Variants in OGFOD1 observed in about 807,000 individuals in gnomAD.
OGFOD1 encodes prolyl 3-hydroxylase OGFOD1.
OGFOD1 carries 54 observed loss-of-function variants against 67.7 expected under a neutral mutation model. The ratio of observed to expected loss-of-function variants is 0.80; its 90% CI spans 0.64 to 1.00. The LOEUF (loss-of-function observed/expected upper bound fraction) is 1.00, where lower values mean the gene tolerates loss of function less well. Ranked by LOEUF, OGFOD1 falls within the 50% of genes least tolerant of loss-of-function variation. The pLI, the probability that OGFOD1 is intolerant of heterozygous loss-of-function variation, is 0.00. For synonymous variants in OGFOD1, 221 were observed against 227.0 expected (o/e 0.97, Z 0.24); for missense variants, 606 against 646.7 (o/e 0.94, Z 0.68).
Position 56,470,773 on chromosome 16 carries a change from GA to G in OGFOD1, c.1271del (p.Asn424MetfsTer16). 6.3e-7 allele frequency: 1 copy of G among 1,595,784 alleles called. No homozygotes were observed. Among genetic ancestry groups the G allele is most frequent in the Non-Finnish European group, 8.5e-7 (1 of 1,172,160 alleles). ...TGAGCAGACAGACCCAGAGCCAGAG[GA>G]AAATGAAACAAAGAAAGGTAAGCTG... ...SNEQTDPEPE[E>X]NETKKESSVP... On this transcript the variant is annotated frameshift_variant, in exon 10 of 13. Transcript: ENST00000566157. LOFTEE classifies it high-confidence loss of function.
chr16:56,466,089 CAG>C, intron 4 of OGFOD1, 61 bp from the exon 5 acceptor site: 2 of 1,130,532 alleles, frequency 1.8e-6, no homozygotes, highest in Admixed American at 1.7e-5. Flanking sequence ...ATATTAAATG[CAG>C]AGTCAGGTGT....
intron 4 of OGFOD1, among the ~76,000 whole-genome samples, chr16:56,463,390 T>G (rs1454737654): frequency 3.5e-5 from 4 of 113,826 alleles, no homozygotes; most frequent in African/African-American, 1.3e-4. Flanking sequence ...TTGGGTTTTT[T>G]TTTTTTTTTT....
intron 7 of OGFOD1, 109 bp downstream of exon 7, chr16:56,467,402 C>T: frequency 8.0e-7 from 1 of 1,243,918 alleles, no homozygotes; most frequent in Non-Finnish European, 1.1e-6. Context: ...TGAGCTTGCC[C>T]CTTTCCACTT....
Position 56,451,773 on chromosome 16 carries a change from G to C in OGFOD1, c.154+7G>C, listed in dbSNP as rs751265445. The C allele has an allele frequency of 6.2e-7, 1 of 1,611,938 alleles. No individual in the cohort carries two copies. Among genetic ancestry groups the C allele is most frequent in the East Asian group, 2.2e-5 (1 of 44,878 alleles). On this transcript the variant is annotated splice_region_variant and intron_variant, in intron 1 of 12. Transcript: ENST00000566157. ...AGGACGCCGTTCAGTCACGGTAACC[G>C]GGTGCTCTCAGGGAGGGGCCGCCAC... is the stretch of plus-strand genomic sequence containing the variant.
In OGFOD1 at chr16:56,467,979, T is replaced by A; in HGVS notation, c.861T>A (p.Phe287Leu). The stretch of plus-strand genomic sequence containing the variant: ...ACCAAGTTCAAATTCAAGAAGAGTT[T>A]GAAGAAAGTTCTGAAATTCTCCTGA... ...MDYQVQIQEEFEESSEILLKE... is the reference protein window; with the variant it reads ...MDYQVQIQEELEESSEILLKE... The change falls in exon 8 of 13, where the codon TTT becomes TTA. Residue 287 changes from phenylalanine to leucine, a missense_variant. Coordinates refer to ENST00000566157, the MANE Select transcript of OGFOD1 (RefSeq NM_018233.4). 12 of 1,601,734 alleles carry A rather than the reference T, an allele frequency of 7.5e-6. No individual in the cohort carries two copies. The highest frequency in any genetic ancestry group is 1.0e-5 in the Non-Finnish European group (12 of 1,168,728).
chr16:56,453,645 G>A (rs1354494726), intron 2 of OGFOD1: 1 of 332,500 alleles, frequency 3.0e-6, no homozygotes, highest in Non-Finnish European at 5.6e-6. Flanking sequence ...TTAAAATCTA[G>A]TGTTCAAAGT....
chr16:56,471,108 T>C (rs1235437893), intron 10 of OGFOD1, among the ~76,000 whole-genome samples: 1 of 151,882 alleles, frequency 6.6e-6, no homozygotes, highest in African/African-American at 2.4e-5. Context: ...TCCCAGCACT[T>C]TTGGAGGCGG....
Position 56,466,198 on chromosome 16 carries a change from C to T in OGFOD1, c.495C>T (p.Ala165=). 6.2e-7 allele frequency: 1 copy of T among 1,614,142 alleles called. No individual in the cohort carries two copies. Among genetic ancestry groups the T allele is most frequent in the Non-Finnish European group, 8.5e-7 (1 of 1,179,996 alleles). The change falls in exon 5 of 13, where the codon GCC becomes GCT. Residue 165 remains alanine (A), a synonymous_variant. Coordinates refer to ENST00000566157, the MANE Select transcript of OGFOD1 (RefSeq NM_018233.4). ...ATGAGCTGGAAGGGCGCCGGATTGCCTTCATCCTGTACCTGGTTCCTCCCT... is the reference window on the plus strand; with the variant it reads ...ATGAGCTGGAAGGGCGCCGGATTGCTTTCATCCTGTACCTGGTTCCTCCCT... ...HDDELEGRRI[A]FILYLVPPWD...
At chr16:56,457,273 G>A (rs1962554158) in intron 2 of OGFOD1, among the ~76,000 whole-genome samples, 1 of 152,228 alleles carries the variant, frequency 6.6e-6, no homozygotes, top group Non-Finnish European at 1.5e-5. Context: ...CAACATGGAT[G>A]AACCTTGAAA....
intron 4 of OGFOD1, 97 bp from the exon 5 acceptor site, chr16:56,466,055 T>C: frequency 1.2e-6 from 1 of 805,016 alleles, no homozygotes; most frequent in Non-Finnish European, 2.1e-6. Context: ...GAGCTGACAT[T>C]ACAGTTGAAT....
Position 56,467,245 on chromosome 16 carries a change from C to T in OGFOD1, c.738C>T (p.Pro246=). The change falls in exon 7 of 13, where the codon CCC becomes CCT. Residue 246 remains proline, a synonymous_variant. Coordinates refer to ENST00000566157, the MANE Select transcript of OGFOD1 (RefSeq NM_018233.4). ...WFHGPSLTRP[P]NYFEPPIPRS... ...ATGGTCCATCATTGACTCGGCCTCC[C>T]AACTACTTTGAACCCCCCATACCTC... 1.9e-6 allele frequency: 3 copies of T among 1,614,100 alleles called. No homozygotes were observed. The South Asian group carries it at 3.3e-5, about 18-fold the overall frequency.
At position 56,476,222 on chromosome 16, in the gene OGFOD1, T is replaced by G; in HGVS notation, c.*17T>G. The G allele has an allele frequency of 6.3e-7, 1 of 1,599,400 alleles. No homozygotes were observed. Among genetic ancestry groups the G allele is most frequent in the African/African-American group, 1.4e-5 (1 of 73,868 alleles). On this transcript the variant is annotated 3_prime_UTR_variant, in exon 13 of 13. Transcript: ENST00000566157. ...TATGAATGACAGCACTGGGCAAAGC[T>G]GAACAAAAATGTGACCCTTCGTAAT...
chr16:56,463,428 G>A (rs548639822), intron 4 of OGFOD1, among the ~76,000 whole-genome samples: 3 of 87,696 alleles, frequency 3.4e-5, no homozygotes, highest in South Asian at 4.3e-4. Context: ...TTGTTGGTTC[G>A]TTGGTTCGTT....
intron 9 of OGFOD1, 93 bp from the exon 10 acceptor site, chr16:56,470,394 G>A: frequency 8.5e-7 from 1 of 1,177,318 alleles, no homozygotes; most frequent in East Asian, 2.3e-5. Context: ...CAAGATTTAG[G>A]AAGAGAGGTA....
chr16:56,451,959 G>A (rs4556786), intron 1 of OGFOD1, among the ~76,000 whole-genome samples, 193 bp downstream of exon 1: 29,132 of 152,164 alleles, frequency 0.19, 3,014 homozygotes, highest in Non-Finnish European at 0.24. Context: ...ATTTAGAAAC[G>A]TGAGAAGAGG....
chr16:56,451,850 G>A, intron 1 of OGFOD1, 84 bp downstream of exon 1: 1 of 1,481,524 alleles, frequency 6.7e-7, no homozygotes, highest in Non-Finnish European at 9.0e-7. Context: ...CCCAGCCTTG[G>A]GCAGCGGGGC....
chr16:56,458,518 C>T, intron 2 of OGFOD1, 30 bp from the exon 3 acceptor site: 1 of 1,601,688 alleles, frequency 6.2e-7, no homozygotes, highest in East Asian at 2.2e-5. Context: ...TGAAGGAAAT[C>T]CCTTTTTTTT....
At position 56,474,810 on chromosome 16, in the gene OGFOD1, C is replaced by CTTT; in HGVS notation, c.1286-9_1286-7dup. 4.1e-6 allele frequency: 5 copies of CTTT among 1,212,930 alleles called. No homozygotes were observed. Among genetic ancestry groups the CTTT allele is most frequent in the Non-Finnish European group, 5.7e-6 (5 of 884,472 alleles). The allele number at this position is 1,212,930 out of a possible 1,614,324, so 75.1% of individuals were successfully genotyped here. A position where few individuals can be genotyped will look rare whatever the true frequency, so the allele number is the denominator to read the frequency against. ...AAGGTTATTTTTTAAAGTTTCTCAT[C>CTTT]TTTTTTTTTTTCCTTAGAATCAAGT... On this transcript the variant is annotated splice_polypyrimidine_tract_variant and intron_variant, in intron 10 of 12. Coordinates refer to ENST00000566157, the MANE Select transcript of OGFOD1 (RefSeq NM_018233.4).
chr16:56,473,088 G>A (rs1276620023), intron 10 of OGFOD1, among the ~76,000 whole-genome samples: 4 of 152,048 alleles, frequency 2.6e-5, no homozygotes, highest in African/African-American at 9.7e-5. Context: ...ATGCCACCAC[G>A]CCCGGCTAAC....
Sources: gnomAD v4.1 joint callset for allele counts (sites outside exome capture counted in the v4.1 genomes callset) on GRCh38, gnomAD v4.1.1 for gene constraint, MANE v1.5 for transcripts, NCBI Gene and HGNC (gene_info 2026-07-23, HGNC 2026-07-21) for gene names.